ZFHX4: variants seen among roughly 807,000 people sequenced by gnomAD.
The protein encoded by ZFHX4 is zinc finger homeobox protein 4.
A neutral mutation model predicts 267.6 loss-of-function variants in ZFHX4; 56 were observed. The ratio of observed to expected loss-of-function variants is 0.21; its 90% confidence interval spans 0.17 to 0.26. ZFHX4 has a LOEUF of 0.26. ZFHX4 is among the 10% of genes least tolerant of loss of function. The pLI is 1.00. For missense variants in ZFHX4, 4,332 were observed against 4,420.0 expected (o/e 0.98, Z 0.56); for synonymous variants, 1,778 against 1,665.6 (o/e 1.07, Z -1.64).
At chr8:76,835,505 TAA>T (rs1812070753) in intron 5 of ZFHX4, among the ~76,000 whole-genome samples, 1 of 151,760 alleles carries the variant, frequency 6.6e-6, no homozygotes, top group Non-Finnish European at 1.5e-5. Flanking sequence ...ATACTTAAAA[TAA>T]AAACAATTTT....
At chr8:76,841,733 T>C (rs1554572991) in intron 5 of ZFHX4, among the ~76,000 whole-genome samples, 1 of 152,216 alleles carries the variant, frequency 6.6e-6, no homozygotes, top group Non-Finnish European at 1.5e-5. Flanking sequence ...ATGATTTTTA[T>C]TTTTTGTGCT....
chr8:76,712,268 C>T (rs184984188), intron 3 of ZFHX4, among the ~76,000 whole-genome samples: 1 of 152,110 alleles, frequency 6.6e-6, no homozygotes, highest in African/African-American at 2.4e-5. Context: ...TTAAAGAATC[C>T]TGGTTAAGAA....
At chr8:76,739,691 A>G (rs1280276184) in intron 3 of ZFHX4, among the ~76,000 whole-genome samples, 2 of 152,214 alleles carry the variant, frequency 1.3e-5, no homozygotes, top group East Asian at 3.8e-4. Context: ...GAATAATTCC[A>G]TGTTGTTATA....
chr8:76,795,025 C>G (rs1265318938), intron 4 of ZFHX4, among the ~76,000 whole-genome samples: 2 of 151,974 alleles, frequency 1.3e-5, no homozygotes, highest in Non-Finnish European at 2.9e-5. Flanking sequence ...AAAGTAGTGG[C>G]TTCCTCCAGG....
intron 3 of ZFHX4, among the ~76,000 whole-genome samples, chr8:76,768,296 G>C (rs1448600771): frequency 6.6e-6 from 1 of 152,130 alleles, no homozygotes; most frequent in African/African-American, 2.4e-5. Flanking sequence ...GTAGGCATTG[G>C]GGTACCACTG....
At chr8:76,703,261 G>A (rs112093539) in intron 1 of ZFHX4, among the ~76,000 whole-genome samples, 1 of 152,116 alleles carries the variant, frequency 6.6e-6, no homozygotes, top group African/African-American at 2.4e-5. Context: ...ACATCAAAAT[G>A]GTATTTGAAA....
At position 76,843,186 on chromosome 8, in the gene ZFHX4, T is replaced by C. The variant is rs1484824749; in HGVS notation, c.3511+415T>C. On this transcript the variant is annotated intron_variant, in intron 6 of 10. Coordinates refer to ENST00000651372, the MANE Select transcript of ZFHX4 (RefSeq NM_024721.5). Reference sequence around the variant, plus strand: ...TTGAATTTTGTCATTCAGTCACATGTATTCGCCCGCCAAACCACGTAACCC... The same window carrying C: ...TTGAATTTTGTCATTCAGTCACATGCATTCGCCCGCCAAACCACGTAACCC... Among the ~76,000 whole-genome samples the C allele has an allele frequency of 2.6e-5, 4 of 152,238 alleles. 1 individual carries two copies. The highest frequency in any genetic ancestry group is 1.9e-4 in the East Asian group (1 of 5,202).
chr8:76,720,549 T>C (rs1224120177), intron 3 of ZFHX4, among the ~76,000 whole-genome samples: 1 of 152,180 alleles, frequency 6.6e-6, no homozygotes, highest in Non-Finnish European at 1.5e-5. Flanking sequence ...AACAGCTGGA[T>C]TGACAGTCAA....
At chr8:76,848,279 T>A (rs193046089) in intron 6 of ZFHX4, among the ~76,000 whole-genome samples, 1 of 152,192 alleles carries the variant, frequency 6.6e-6, no homozygotes, top group Non-Finnish European at 1.5e-5. Context: ...AGAATTGCAC[T>A]CTTTTCTTTG....
chr8:76,733,981 AC>A (rs1809091082), intron 3 of ZFHX4, among the ~76,000 whole-genome samples: 1 of 152,134 alleles, frequency 6.6e-6, no homozygotes, highest in African/African-American at 2.4e-5. Flanking sequence ...GAGACAAAAC[AC>A]ATTTACTTGA....
intron 6 of ZFHX4, among the ~76,000 whole-genome samples, chr8:76,845,709 T>C (rs1586003364): frequency 6.6e-6 from 1 of 152,052 alleles, no homozygotes; most frequent in Non-Finnish European, 1.5e-5. Context: ...TACAGCCTTC[T>C]GTATTTTAGG....
Position 76,855,632 on chromosome 8 carries a change from T to C in ZFHX4, c.8711T>C (p.Ile2904Thr), listed in dbSNP as rs771779590. The change falls in exon 10 of 11, where the codon ATA becomes ACA. Residue 2904 changes from isoleucine (I) to threonine (T), a missense_variant. Ile to Thr is a moderately conservative substitution (Grantham distance 89). This residue lies in a region of ZFHX4 where 1,648 missense variants were observed against 1,625.0 expected (regional missense o/e 1.01). Transcript: ENST00000651372. The part of the protein sequence containing the change: ...DNADRSETSS[I>T]ADPSSPNPFG... ...GCCGACCGCAGCGAAACGTCCAGCA[T>C]AGCGGACCCGAGCTCCCCAAATCCA... 3 of 1,613,770 alleles carry C rather than the reference T, an allele frequency of 1.9e-6. No homozygotes were observed. The highest frequency in any genetic ancestry group is 2.5e-6 in the Non-Finnish European group (3 of 1,179,862).
At position 76,813,936 on chromosome 8, in the gene ZFHX4, C is replaced by CT. The variant is rs953053081; in HGVS notation, c.3326-19393dup. On this transcript the variant is annotated intron_variant, in intron 4 of 10. Transcript: ENST00000651372. ...TTTATATTACAGAAAAAAATGCAATCTTTTTTTTTCTTTAAAAGAGGAGTA... is the reference window on the plus strand; with the variant it reads ...TTTATATTACAGAAAAAAATGCAATCTTTTTTTTTTCTTTAAAAGAGGAGTA... Among the ~76,000 whole-genome samples, 391 of 151,410 alleles carry CT rather than the reference C, an allele frequency of 2.6e-3. 4 individuals carry two copies. The highest frequency in any genetic ancestry group is 8.8e-3 in the African/African-American group (362 of 41,302).
intron 4 of ZFHX4, among the ~76,000 whole-genome samples, chr8:76,790,444 A>G (rs1810804310): frequency 6.6e-6 from 1 of 152,126 alleles, no homozygotes; most frequent in African/African-American, 2.4e-5. Context: ...AATTATTACT[A>G]AAAGTGCTAT....
chr8:76,719,913 C>T (rs1361698636), intron 3 of ZFHX4, among the ~76,000 whole-genome samples: 2 of 152,096 alleles, frequency 1.3e-5, no homozygotes, highest in Non-Finnish European at 2.9e-5. Flanking sequence ...AAGTGATATG[C>T]TACAAAATCT....
In ZFHX4 at chr8:76,855,952, C is replaced by T. The variant is rs762923975; in HGVS notation, c.9031C>T (p.Leu3011Phe). The T allele has an allele frequency of 1.2e-5, 19 of 1,613,820 alleles. No homozygotes were observed. In the Admixed American group the frequency reaches 3.0e-4, roughly 25 times the overall value. Residue 3011 changes from leucine to phenylalanine, a missense_variant, in exon 10 of 11, where the codon CTC (leucine) becomes TTC (phenylalanine). Physicochemically the swap from Leu to Phe is conservative, Grantham distance 22 (BLOSUM62 0). Coordinates refer to ENST00000651372, the MANE Select transcript of ZFHX4 (RefSeq NM_024721.5). ...GGAAGGCACCAAACCAGAGTGTACCCTCTGCGGGGTGAAGTACTCTGCCCG... is the reference window on the plus strand; with the variant it reads ...GGAAGGCACCAAACCAGAGTGTACCTTCTGCGGGGTGAAGTACTCTGCCCG... Reference protein sequence around the residue: ...GTEGTKPECTLCGVKYSARLS... With the variant: ...GTEGTKPECTFCGVKYSARLS...
Position 76,863,599 on chromosome 8 carries a change from C to A in ZFHX4, c.9885C>A (p.Ser3295Arg). 1 of 1,613,674 alleles carries A rather than the reference C, an allele frequency of 6.2e-7. No homozygotes were observed. Among genetic ancestry groups the A allele is most frequent in the Non-Finnish European group, 8.5e-7 (1 of 1,179,796 alleles). The stretch of plus-strand genomic sequence containing the variant: ...TCCCACCTGTCTGTGGCATGGAGAG[C>A]CTCTTTCCTTATGGCCCTACAATGC... Reference protein sequence around the residue: ...GYFPPVCGMESLFPYGPTMPQ... With the variant: ...GYFPPVCGMERLFPYGPTMPQ... The change falls in exon 11 of 11, where the codon AGC becomes AGA. Residue 3295 changes from serine to arginine, a missense_variant. Physicochemically the swap from Ser to Arg is moderately radical, Grantham distance 110. This residue lies in a region of ZFHX4 where 1,648 missense variants were observed against 1,625.0 expected (regional missense o/e 1.01). Coordinates refer to ENST00000651372, the MANE Select transcript of ZFHX4 (RefSeq NM_024721.5).
At chr8:76,798,308 G>GA (rs1174949402) in intron 4 of ZFHX4, among the ~76,000 whole-genome samples, 14 of 152,186 alleles carry the variant, frequency 9.2e-5, no homozygotes, top group African/African-American at 3.4e-4. Flanking sequence ...TATGCAAGGC[G>GA]AGCATTCAGT....
Position 76,725,699 on chromosome 8 carries a change from C to T in ZFHX4, c.3093+17651C>T, listed in dbSNP as rs142341557. Reference sequence around the variant, plus strand: ...CCTTATTTTAGGGTACTGATCAATGCGCAAACATCAGTGTACTGTAAACCT... The same window carrying T: ...CCTTATTTTAGGGTACTGATCAATGTGCAAACATCAGTGTACTGTAAACCT... On this transcript the variant is annotated intron_variant, in intron 3 of 10. Transcript: ENST00000651372. Among the ~76,000 whole-genome samples, 796 of 152,196 alleles carry T rather than the reference C, an allele frequency of 5.2e-3. 12 individuals carry two copies. The highest frequency in any genetic ancestry group is 0.018 in the African/African-American group (745 of 41,548).
Sources: gnomAD v4.1 joint callset for allele counts (sites outside exome capture counted in the v4.1 genomes callset) on GRCh38, gnomAD v4.1.1 for gene constraint, gnomAD v4.1.1 regional missense constraint, MANE v1.5 for transcripts, NCBI Gene and HGNC (gene_info 2026-07-23, HGNC 2026-07-21) for gene names.